TOX2: variants seen among roughly 807,000 people sequenced by gnomAD.
TOX2 encodes TOX high mobility group box family member 2.
Under a neutral mutation model 47.4 loss-of-function variants are expected in TOX2, and 15 were observed. That is an observed-to-expected ratio of 0.32 (90% CI 0.21 to 0.49). The LOEUF (loss-of-function observed/expected upper bound fraction) is 0.49. TOX2 is among the 20% of genes least tolerant of loss of function. The pLI is 0.99. For synonymous variants in TOX2, 290 were observed against 296.6 expected, an observed-to-expected ratio of 0.98 and a Z score of 0.23; for missense variants, 622 against 673.1, an observed-to-expected ratio of 0.92 and a Z score of 0.84.
chr20:44,030,430 A>G (rs373105895), intron 3 of TOX2, among the ~76,000 whole-genome samples: 44 of 152,158 alleles, frequency 2.9e-4, no homozygotes, highest in Admixed American at 1.2e-3. Context: ...TGGGTTTCCA[A>G]TGACCCTCAG....
intron 4 of TOX2, among the ~76,000 whole-genome samples, chr20:44,053,439 TACACACACACAC>T (rs111951284): frequency 9.8e-5 from 14 of 143,106 alleles, no homozygotes; most frequent in South Asian, 2.2e-4. Context: ...GGCAGATATA[TACACACACACAC>T]ACACACACAC....
At chr20:44,051,059 G>A (rs1430420583) in intron 3 of TOX2, among the ~76,000 whole-genome samples, 1 of 152,226 alleles carries the variant, frequency 6.6e-6, no homozygotes, top group Admixed American at 6.5e-5. Context: ...CAAAGCGTCT[G>A]TCCGAGGTGA....
In TOX2 at chr20:44,066,816, C is replaced by T; in HGVS notation, c.1443C>T (p.Asp481=). The T allele has an allele frequency of 6.2e-7, 1 of 1,614,180 alleles. No individual in the cohort carries two copies. Among genetic ancestry groups the T allele is most frequent in the Non-Finnish European group, 8.5e-7 (1 of 1,180,024 alleles). ...PSNPTSSGDW[D]SSYPSGECGI... is the part of the protein sequence containing the mutation. ...ACCCCACCAGCAGCGGGGACTGGGA[C>T]AGCAGCTACCCCAGTGGGGAGTGTG... is the stretch of plus-strand genomic sequence containing the variant. Residue 481 remains aspartate, a synonymous_variant, in exon 8 of 9, where the codon GAC becomes GAT. Transcript: ENST00000341197.
chr20:44,046,187 T>C (rs1311166621), intron 3 of TOX2, among the ~76,000 whole-genome samples: 3 of 152,224 alleles, frequency 2.0e-5, no homozygotes, highest in Non-Finnish European at 4.4e-5. Flanking sequence ...GTGATAATGA[T>C]AGCAGATAAA....
intron 1 of TOX2, among the ~76,000 whole-genome samples, chr20:43,930,366 A>G: frequency 6.6e-6 from 1 of 152,226 alleles, no homozygotes; most frequent in East Asian, 1.9e-4. Context: ...GTGTTAATCC[A>G]TGTGAATTCT....
intron 2 of TOX2, among the ~76,000 whole-genome samples, chr20:43,981,950 T>G (rs2070176870): frequency 1.3e-5 from 2 of 151,950 alleles, no homozygotes; most frequent in Non-Finnish European, 2.9e-5. Context: ...TTTTTTTTTT[T>G]TAAAGAAAAG....
At chr20:43,947,256 A>G (rs2069489564) in intron 1 of TOX2, among the ~76,000 whole-genome samples, 1 of 152,224 alleles carries the variant, frequency 6.6e-6, no homozygotes, top group African/African-American at 2.4e-5. Context: ...CTGTCTCTTC[A>G]TCCATAAAAT....
chr20:44,006,594 G>A lies in TOX2; in HGVS notation c.213G>A (p.Pro71=), dbSNP rs774698912. 4.0e-5 allele frequency: 65 copies of A among 1,613,814 alleles called. No individual in the cohort carries two copies. The highest frequency in any genetic ancestry group is 3.3e-5 in the South Asian group (3 of 91,078). ...SENNEDYEIP[P]ITPPNLPEPS... is the part of the protein sequence containing the mutation. The stretch of plus-strand genomic sequence containing the variant: ...ACAACGAAGACTATGAGATCCCCCC[G>A]ATAACACCTCCCAACCTCCCGGAGC... The change falls in exon 3 of 9, where the codon CCG becomes CCA. Residue 71 remains proline, a synonymous_variant. Coordinates refer to ENST00000341197, the MANE Select transcript of TOX2 (RefSeq NM_001098797.2).
rs1454886116 is a variant in TOX2, at chr20:44,068,864, A to G, written c.*178A>G. On this transcript the variant is annotated 3_prime_UTR_variant, in exon 9 of 9. Transcript: ENST00000341197. Reference sequence around the variant, plus strand: ...ACCTCCCACCAGACTCTGCAGAGGCAGCCCACTGCCCACCACCAGCCCAAA... The same window carrying G: ...ACCTCCCACCAGACTCTGCAGAGGCGGCCCACTGCCCACCACCAGCCCAAA... The G allele has an allele frequency of 8.2e-6, 7 of 854,778 alleles. No individual in the cohort carries two copies. The Admixed American group carries it at 1.4e-4, about 17-fold the overall frequency. 52.9% of individuals were successfully genotyped at this position (854,778 alleles called of 1,614,324 possible). A position where few individuals can be genotyped will look rare whatever the true frequency, so the allele number is the denominator to read the frequency against.
rs143481963 is a variant in TOX2 at position 44,002,789 on chromosome 20, C to A, written c.166-3758C>A. On this transcript the variant is annotated intron_variant, in intron 2 of 8. Coordinates refer to ENST00000341197, the MANE Select transcript of TOX2 (RefSeq NM_001098797.2). Reference sequence around the variant, plus strand: ...GAGAGAGAGAGAGGGGAAGAGGTGCCAGTCTCTTTAAACAACCAGCTCTTG... The same window carrying A: ...GAGAGAGAGAGAGGGGAAGAGGTGCAAGTCTCTTTAAACAACCAGCTCTTG... Among the ~76,000 whole-genome samples, 494 of 152,150 alleles carry A rather than the reference C, an allele frequency of 3.2e-3. 18 individuals are homozygous for A. In the South Asian group the frequency reaches 0.059, roughly 18 times the overall value.
At chr20:43,976,134 C>T (rs752812508) in intron 2 of TOX2, among the ~76,000 whole-genome samples, 12 of 152,210 alleles carry the variant, frequency 7.9e-5, no homozygotes, top group East Asian at 1.9e-4. Context: ...ATAGTGTATC[C>T]GTTAGTTTTT....
rs1422726690 is a variant in TOX2, at chr20:44,054,165, C to G, written c.652-134C>G. 4.7e-6 allele frequency: 4 copies of G among 854,142 alleles called. No homozygotes were observed. The Admixed American group carries it at 8.5e-5, about 18-fold the overall frequency. The allele number at this position is 854,142 out of a possible 1,614,324, so 52.9% of individuals were successfully genotyped here. A position where few individuals can be genotyped will look rare whatever the true frequency, so the allele number is the denominator to read the frequency against. On this transcript the variant is annotated intron_variant, in intron 4 of 8. Transcript: ENST00000341197. Reference sequence around the variant, plus strand: ...TGTGTGTGTCTGTCTGTCCATTGCCCCCTCCATCGCGCGAGTGGTTATCTG... The same window carrying G: ...TGTGTGTGTCTGTCTGTCCATTGCCGCCTCCATCGCGCGAGTGGTTATCTG...
At chr20:44,061,486 T>C (rs1246502974) in intron 5 of TOX2, among the ~76,000 whole-genome samples, 1 of 151,218 alleles carries the variant, frequency 6.6e-6, no homozygotes, top group Non-Finnish European at 1.5e-5. Flanking sequence ...ATAAAAGCCA[T>C]CTATGATAAA....
intron 1 of TOX2, among the ~76,000 whole-genome samples, chr20:43,970,240 CTGTT>C (rs962891996): frequency 6.6e-6 from 1 of 152,218 alleles, no homozygotes; most frequent in Non-Finnish European, 1.5e-5. Context: ...CTCTCTCTAT[CTGTT>C]TGCTTGGTTT....
intron 7 of TOX2, 42 bp downstream of exon 7, chr20:44,066,149 G>A (rs764038157): frequency 6.7e-7 from 1 of 1,486,960 alleles, no homozygotes; most frequent in Non-Finnish European, 8.9e-7. Flanking sequence ...TGACCGTGTG[G>A]GGAGGGGAAG....
chr20:44,026,785 T>C (rs1367740212), intron 3 of TOX2, among the ~76,000 whole-genome samples: 1 of 152,122 alleles, frequency 6.6e-6, no homozygotes, highest in Non-Finnish European at 1.5e-5. Flanking sequence ...AGGTCCACTG[T>C]GTGACCTCAG....
chr20:43,964,717 C>T (rs533059204), intron 1 of TOX2, among the ~76,000 whole-genome samples: 79 of 152,320 alleles, frequency 5.2e-4, no homozygotes, highest in Admixed American at 7.2e-4. Context: ...CTGAGCCTTA[C>T]CTTGCTCATC....
At chr20:43,940,973 G>A (rs1320692455) in intron 1 of TOX2, among the ~76,000 whole-genome samples, 1 of 152,230 alleles carries the variant, frequency 6.6e-6, no homozygotes, top group African/African-American at 2.4e-5. Flanking sequence ...TGAAGCAGCT[G>A]CCTTAGTTAG....
Position 44,069,033 on chromosome 20 carries a change from C to T in TOX2, c.*347C>T, listed in dbSNP as rs1361186515. 4 of 432,598 alleles carry T rather than the reference C, an allele frequency of 9.2e-6. No individual in the cohort carries two copies. The East Asian group carries it at 1.6e-4, about 17-fold the overall frequency. 26.8% of individuals were successfully genotyped at this position (432,598 alleles called of 1,614,324 possible). ...CCAGGTGGGCCGCCCCTGGCGGGGT[C>T]GCTTACCAACGGACACCCACCCCAG... On this transcript the variant is annotated 3_prime_UTR_variant, in exon 9 of 9. Transcript: ENST00000341197.
Sources: allele counts gnomAD v4.1 joint callset (sites outside exome capture counted in the v4.1 genomes callset), GRCh38; gene constraint gnomAD v4.1.1; transcripts MANE v1.5; gene names NCBI Gene and HGNC (gene_info 2026-07-23, HGNC 2026-07-21).